Variants in NKAIN2 observed in about 807,000 individuals in gnomAD.
NKAIN2 encodes sodium/potassium transporting ATPase interacting 2, also known as sodium/potassium-transporting ATPase subunit beta-1-interacting protein 2.
NKAIN2 carries 14 observed loss-of-function variants against 32.6 expected under a neutral mutation model. The observed-to-expected ratio is 0.43, with a 90% CI of 0.28 to 0.67. The LOEUF (loss-of-function observed/expected upper bound fraction) is 0.67, where lower values mean the gene tolerates loss of function less well. Ranked by LOEUF, NKAIN2 falls within the 30% of genes least tolerant of loss-of-function variation. The pLI is 0.17. For missense variants in NKAIN2, 198 were observed against 258.3 expected (o/e 0.77, Z 1.60); for synonymous variants, 80 against 87.2 (o/e 0.92, Z 0.46).
chr6:123,973,051 A>T (rs1027355730), intron 1 of NKAIN2, among the ~76,000 whole-genome samples: 1 of 152,122 alleles, frequency 6.6e-6, no homozygotes, highest in South Asian at 2.1e-4. Context: ...GCCAAAACAA[A>T]TATTGGCTGA....
rs1017873105 is a variant in NKAIN2 at position 124,341,164 on chromosome 6, T to A, written c.193-14103T>A. On this transcript the variant is annotated intron_variant, in intron 2 of 6. Transcript: ENST00000368417. ...ATATGTCTTACTAAACTAAACCGTTTTTTGCAAAATGGAAATTTCTGGGAA... is the reference window on the plus strand; with the variant it reads ...ATATGTCTTACTAAACTAAACCGTTATTTGCAAAATGGAAATTTCTGGGAA... Among the ~76,000 whole-genome samples, 24 of 152,238 alleles carry A rather than the reference T, an allele frequency of 1.6e-4. No individual in the cohort carries two copies. The East Asian group carries it at 3.9e-3, about 25-fold the overall frequency.
chr6:123,874,162 T>TC (rs2114297456), intron 1 of NKAIN2, among the ~76,000 whole-genome samples: 1 of 152,222 alleles, frequency 6.6e-6, no homozygotes, highest in South Asian at 2.1e-4. Flanking sequence ...GACATTTTTT[T>TC]CCACCATGGA....
chr6:123,921,549 C>A (rs573786787), intron 1 of NKAIN2, among the ~76,000 whole-genome samples: 1 of 152,088 alleles, frequency 6.6e-6, no homozygotes, highest in East Asian at 1.9e-4. Context: ...GTCCTGTAGT[C>A]CTGAAGTTGT....
intron 2 of NKAIN2, among the ~76,000 whole-genome samples, chr6:124,346,044 CGTT>C (rs747417061): frequency 7.2e-5 from 11 of 151,916 alleles, no homozygotes; most frequent in Non-Finnish European, 1.6e-4. Context: ...TCTTTGTTCT[CGTT>C]GGTTTCAAAG....
At chr6:123,851,717 A>T (rs1362552589) in intron 1 of NKAIN2, among the ~76,000 whole-genome samples, 1 of 152,142 alleles carries the variant, frequency 6.6e-6, no homozygotes, top group African/African-American at 2.4e-5. Context: ...TTTTTAAAAA[A>T]ATATACTTGT....
At chr6:124,373,182 C>G (rs79840585) in intron 3 of NKAIN2, among the ~76,000 whole-genome samples, 2,787 of 152,118 alleles carry the variant, frequency 0.018, 38 homozygotes, top group Non-Finnish European at 0.023. Context: ...TAGTTATATT[C>G]TCGATATCAT....
chr6:124,113,686 C>T (rs1785486364), intron 1 of NKAIN2, among the ~76,000 whole-genome samples: 2 of 152,220 alleles, frequency 1.3e-5, no homozygotes, highest in South Asian at 4.1e-4. Flanking sequence ...GCCCTTACCT[C>T]CCCTGGGTGA....
At chr6:124,505,598 G>A (rs187795863) in intron 3 of NKAIN2, among the ~76,000 whole-genome samples, 12 of 152,254 alleles carry the variant, frequency 7.9e-5, no homozygotes, top group Admixed American at 7.2e-4. Context: ...TCAGTACAAG[G>A]TTCCAGCTGG....
intron 3 of NKAIN2, among the ~76,000 whole-genome samples, chr6:124,612,240 C>A (rs1331145067): frequency 3.3e-5 from 5 of 149,932 alleles, no homozygotes; most frequent in Admixed American, 6.7e-5. Flanking sequence ...GTGAAAACTG[C>A]TAGGGGGAAA....
At chr6:124,787,234 G>A (rs776583883) in intron 4 of NKAIN2, among the ~76,000 whole-genome samples, 22 of 152,022 alleles carry the variant, frequency 1.4e-4, no homozygotes, top group South Asian at 4.2e-4. Flanking sequence ...GCTTAATACC[G>A]GGAGATGAAA....
chr6:124,450,341 A>G (rs984240084), intron 3 of NKAIN2, among the ~76,000 whole-genome samples: 2 of 151,994 alleles, frequency 1.3e-5, no homozygotes, highest in African/African-American at 4.8e-5. Flanking sequence ...CTATATTTAC[A>G]TATGTCTTCT....
intron 1 of NKAIN2, among the ~76,000 whole-genome samples, chr6:123,857,969 G>C (rs931486398): frequency 6.6e-6 from 1 of 152,188 alleles, no homozygotes; most frequent in African/African-American, 2.4e-5. Flanking sequence ...TTGACTTGGA[G>C]AGATAGTGTG....
intron 3 of NKAIN2, among the ~76,000 whole-genome samples, chr6:124,631,533 T>C (rs1470071402): frequency 6.6e-6 from 1 of 152,112 alleles, no homozygotes; most frequent in Non-Finnish European, 1.5e-5. Flanking sequence ...AGTGCAGGCT[T>C]CTCTCTTGTA....
At chr6:124,659,578 A>G (rs1784669434) in intron 4 of NKAIN2, among the ~76,000 whole-genome samples, 1 of 152,068 alleles carries the variant, frequency 6.6e-6, no homozygotes. Flanking sequence ...ATTCTCTGTA[A>G]ATAAAAGTCA....
chr6:124,794,607 TC>T (rs373340616), intron 5 of NKAIN2, among the ~76,000 whole-genome samples: 15 of 152,150 alleles, frequency 9.9e-5, no homozygotes, highest in African/African-American at 3.6e-4. Context: ...TATGAACCCT[TC>T]TAAATTTTTA....
chr6:124,543,183 A>G (rs143055696), intron 3 of NKAIN2, among the ~76,000 whole-genome samples: 22 of 152,304 alleles, frequency 1.4e-4, no homozygotes, highest in African/African-American at 5.3e-4. Flanking sequence ...TATGCCTACC[A>G]ACTGCTTAAA....
At chr6:124,259,598 A>G (rs565421561) in intron 1 of NKAIN2, among the ~76,000 whole-genome samples, 1 of 152,302 alleles carries the variant, frequency 6.6e-6, no homozygotes, top group South Asian at 2.1e-4. Flanking sequence ...CATTACTACT[A>G]GTCTTGCTGT....
At chr6:123,969,124 G>GA (rs1490433946) in intron 1 of NKAIN2, among the ~76,000 whole-genome samples, 1 of 152,142 alleles carries the variant, frequency 6.6e-6, no homozygotes, top group Non-Finnish European at 1.5e-5. Flanking sequence ...TATCTCCTGA[G>GA]AAAAAATAAG....
intron 3 of NKAIN2, among the ~76,000 whole-genome samples, chr6:124,404,003 G>A (rs1451097224): frequency 6.6e-6 from 1 of 151,864 alleles, no homozygotes; most frequent in Non-Finnish European, 1.5e-5. Flanking sequence ...CTATGTGTGT[G>A]TTTTTATTTT....
Sources: allele counts gnomAD v4.1 joint callset (sites outside exome capture counted in the v4.1 genomes callset), GRCh38; gene constraint gnomAD v4.1.1; transcripts MANE v1.5; gene names NCBI Gene and HGNC (gene_info 2026-07-23, HGNC 2026-07-21).